MEGF11: variants seen among roughly 807,000 people sequenced by gnomAD.
MEGF11 encodes the protein multiple EGF like domains 11.
A neutral mutation model predicts 146.6 loss-of-function variants in MEGF11; 126 were observed. That is an observed-to-expected ratio of 0.86 (90% CI 0.74 to 1.00). MEGF11 has a LOEUF of 1.00. MEGF11 is among the 50% of genes least tolerant of loss of function. The probability of loss-of-function intolerance (pLI) is 0.00; values close to 1 mark genes in which losing one functional copy is unlikely to be tolerated. For missense variants in MEGF11, 1,509 were observed against 1,521.2 expected (o/e 0.99, Z 0.13); for synonymous variants, 532 against 583.4 (o/e 0.91, Z 1.27).
chr15:65,965,627 TGG>T (rs2081064530), intron 8 of MEGF11, among the ~76,000 whole-genome samples: 75 of 136,540 alleles, frequency 5.5e-4, no homozygotes, highest in Non-Finnish European at 7.6e-4. Flanking sequence ...TTTTTTTTTT[TGG>T]CTCTTCTATT....
At chr15:66,134,787 G>A (rs896467724) in intron 1 of MEGF11, among the ~76,000 whole-genome samples, 4 of 152,270 alleles carry the variant, frequency 2.6e-5, no homozygotes, top group Non-Finnish European at 4.4e-5. Flanking sequence ...TGAGCTGTGA[G>A]GATGATGGGC....
At chr15:66,069,227 C>T (rs527341896) in intron 5 of MEGF11, among the ~76,000 whole-genome samples, 1 of 152,342 alleles carries the variant, frequency 6.6e-6, no homozygotes, top group South Asian at 2.1e-4. Context: ...TGGTCCTGAG[C>T]TCAGAAAGAA....
Position 66,044,187 on chromosome 15 carries a change from T to G in MEGF11, c.394+50215A>C, listed in dbSNP as rs553811123. Among the ~76,000 whole-genome samples the G allele has an allele frequency of 2.6e-5, 4 of 152,300 alleles. No individual in the cohort carries two copies. In the South Asian group the frequency reaches 8.3e-4, roughly 32 times the overall value. ...CAAGGTGATGTGGAAGGAATATAGT[T>G]GCTAGCATCACCCAGACCTGGGTTC... is the stretch of plus-strand genomic sequence containing the variant. On this transcript the variant is annotated intron_variant, in intron 5 of 25. Transcript: ENST00000395614.
At chr15:66,227,298 A>G (rs903913999) in intron 1 of MEGF11, among the ~76,000 whole-genome samples, 1 of 152,092 alleles carries the variant, frequency 6.6e-6, no homozygotes, top group East Asian at 1.9e-4. Context: ...ATTAAACAGG[A>G]TAACGCGTGG....
chr15:66,031,445 T>A (rs995795110), intron 5 of MEGF11, among the ~76,000 whole-genome samples: 3 of 152,150 alleles, frequency 2.0e-5, no homozygotes, highest in African/African-American at 7.2e-5. Flanking sequence ...CACTACACTC[T>A]CTCCCATGGA....
chr15:66,218,479 C>T (rs1046626394), intron 1 of MEGF11, among the ~76,000 whole-genome samples: 7 of 152,178 alleles, frequency 4.6e-5, no homozygotes, highest in East Asian at 1.9e-4. Flanking sequence ...ACCCACTCCT[C>T]GGATCCAGGC....
In MEGF11 at chr15:65,981,014, A is replaced by G. The variant is rs137998134; in HGVS notation, c.642-116T>C. 5,887 of 1,310,110 alleles carry G rather than the reference A, an allele frequency of 4.5e-3. 24 individuals carry two copies. Among genetic ancestry groups the G allele is most frequent in the Admixed American group, 6.3e-3 (195 of 30,924 alleles). 81.2% of individuals were successfully genotyped at this position (1,310,110 alleles called of 1,614,324 possible). A position where few individuals can be genotyped will look rare whatever the true frequency, so the allele number is the denominator to read the frequency against. On this transcript the variant is annotated intron_variant, in intron 6 of 25. Coordinates refer to ENST00000395614, the MANE Select transcript of MEGF11 (RefSeq NM_001385028.1). ...CAGTTAATGGATCTGTATTAGGCAC[A>G]GCATCCGCTGAACTGCAGTCCTGCT...
At chr15:65,922,015 G>A (rs1232781241) in intron 15 of MEGF11, 1 of 352,994 alleles carries the variant, frequency 2.8e-6, no homozygotes, top group African/African-American at 2.2e-5. Context: ...AGACCACATG[G>A]TGCCACTTCT....
intron 1 of MEGF11, among the ~76,000 whole-genome samples, chr15:66,168,290 C>T (rs1043386529): frequency 6.6e-6 from 1 of 152,124 alleles, no homozygotes. Context: ...GTAACTGCTG[C>T]CTCTCCTTCA....
intron 9 of MEGF11, among the ~76,000 whole-genome samples, chr15:65,963,284 TCTCA>T (rs1238679919): frequency 2.6e-5 from 4 of 152,318 alleles, no homozygotes; most frequent in African/African-American, 9.6e-5. Flanking sequence ...GCCTTGGAGC[TCTCA>T]CTCTGCTCTC....
chr15:66,071,432 G>A (rs2085361151), intron 5 of MEGF11, among the ~76,000 whole-genome samples: 1 of 152,244 alleles, frequency 6.6e-6, no homozygotes, highest in African/African-American at 2.4e-5. Flanking sequence ...TGTGACCCAT[G>A]TCAAGAGAAG....
At chr15:66,096,021 T>TTG (rs1362254835) in intron 4 of MEGF11, among the ~76,000 whole-genome samples, 13 of 152,122 alleles carry the variant, frequency 8.5e-5, no homozygotes, top group Non-Finnish European at 8.8e-5. Context: ...TCACTGGACT[T>TTG]TCCAAACAAG....
chr15:66,135,916 G>A (rs1041610468), intron 1 of MEGF11, among the ~76,000 whole-genome samples: 2 of 152,174 alleles, frequency 1.3e-5, no homozygotes, highest in African/African-American at 4.8e-5. Context: ...GCACAGGGCT[G>A]GAGTCAGACT....
chr15:66,234,195 G>A (rs532666836), intron 1 of MEGF11, among the ~76,000 whole-genome samples: 9 of 152,130 alleles, frequency 5.9e-5, no homozygotes, highest in Admixed American at 2.6e-4. Context: ...CACTGCACCC[G>A]GCCAGACATT....
chr15:65,960,349 CAA>C (rs2080815786), intron 9 of MEGF11, among the ~76,000 whole-genome samples: 1 of 152,210 alleles, frequency 6.6e-6, no homozygotes, highest in African/African-American at 2.4e-5. Context: ...GATGAGTGTT[CAA>C]AGACTTTCTG....
intron 1 of MEGF11, among the ~76,000 whole-genome samples, chr15:66,171,342 T>C (rs1463409932): frequency 1.3e-5 from 2 of 152,154 alleles, no homozygotes; most frequent in African/African-American, 4.8e-5. Context: ...GTCCCACCAG[T>C]GGTGCCAGGG....
intron 5 of MEGF11, among the ~76,000 whole-genome samples, chr15:66,051,019 T>G (rs577725235): frequency 8.5e-5 from 13 of 152,244 alleles, no homozygotes; most frequent in African/African-American, 3.1e-4. Context: ...CAGAGGAGCA[T>G]GGCTTAGGCA....
chr15:66,169,037 G>A (rs375585404), intron 1 of MEGF11, among the ~76,000 whole-genome samples: 2 of 152,294 alleles, frequency 1.3e-5, no homozygotes. Context: ...CTTTTTTAAA[G>A]TGGCTGCTGG....
chr15:66,065,128 G>A (rs2085069568), intron 5 of MEGF11, among the ~76,000 whole-genome samples: 1 of 152,164 alleles, frequency 6.6e-6, no homozygotes, highest in Non-Finnish European at 1.5e-5. Flanking sequence ...CACGGGTGGG[G>A]CAGGAGGGGG....
Sources: gnomAD v4.1 joint callset for allele counts (sites outside exome capture counted in the v4.1 genomes callset) on GRCh38, gnomAD v4.1.1 for gene constraint, MANE v1.5 for transcripts, NCBI Gene and HGNC (gene_info 2026-07-23, HGNC 2026-07-21) for gene names.